Variants in SPRY3 observed in about 807,000 individuals in gnomAD.
SPRY3 encodes the protein protein sprouty homolog 3.
In SPRY3, 15 loss-of-function variants were observed where a neutral mutation model predicts 20.2. That is an observed-to-expected ratio of 0.74 (90% CI 0.50 to 1.14). SPRY3 has a LOEUF of 1.14. Ranked by LOEUF, SPRY3 falls within the 50% of genes most tolerant of loss-of-function variation. SPRY3 has a pLI of 0.00. For missense variants in SPRY3, 364 were observed against 363.9 expected, an observed-to-expected ratio of 1.00 and a Z score of 0.00; for synonymous variants, 143 against 136.5, an observed-to-expected ratio of 1.05 and a Z score of -0.33.
chrX:155,627,072 TATC>T (rs2067890420), intron 1 of SPRY3, among the ~76,000 whole-genome samples: 1 of 112,013 alleles, frequency 8.9e-6, no homozygotes, highest in African/African-American at 3.2e-5. Context: ...CACACATAGT[TATC>T]ATATTCGTAG....
intron 2 of SPRY3, among the ~76,000 whole-genome samples, chrX:155,726,138 T>A (rs1411447252): frequency 6.6e-6 from 1 of 152,176 alleles, no homozygotes; most frequent in Non-Finnish European, 1.5e-5. Flanking sequence ...TTTGAGTGAG[T>A]TTATTAATCC....
chrX:155,719,983 A>G (rs1171144665), intron 2 of SPRY3, among the ~76,000 whole-genome samples: 4 of 152,090 alleles, frequency 2.6e-5, no homozygotes, highest in African/African-American at 9.7e-5. Context: ...TGAAGCACCA[A>G]ATGGGCTCTT....
rs2091402227 is a variant in SPRY3 at position 155,773,986 on chromosome X, C to G, written c.115C>G (p.Leu39Val). 1.9e-6 allele frequency: 3 copies of G among 1,613,850 alleles called. No homozygotes were observed. In the South Asian group the frequency reaches 3.3e-5, roughly 18 times the overall value. Residue 39 changes from leucine (L) to valine (V), a missense_variant, in exon 4 of 4, where the codon CTC becomes GTC. Coordinates refer to ENST00000675360, the Ensembl canonical transcript of SPRY3. ...GCCTCCAGCCCCCTGTAAACAGGCC[C>G]TCTCCAGCCCTTCCCTTATTGTGCA...
chrX:155,672,728 G>T (rs1292493600), intron 2 of SPRY3, among the ~76,000 whole-genome samples: 1 of 106,080 alleles, frequency 9.4e-6, no homozygotes, highest in Non-Finnish European at 1.9e-5. Context: ...TATACCCAAA[G>T]GACTATAAAT....
At chrX:155,711,893 T>A (rs2090989672) in intron 2 of SPRY3, among the ~76,000 whole-genome samples, 1 of 151,630 alleles carries the variant, frequency 6.6e-6, no homozygotes, top group South Asian at 2.1e-4. Context: ...GGTTTTGGTA[T>A]GTTGTGTTTC....
chrX:155,627,832 C>T (rs1418686657), intron 1 of SPRY3, among the ~76,000 whole-genome samples: 3 of 107,658 alleles, frequency 2.8e-5, no homozygotes, highest in Non-Finnish European at 3.8e-5. Context: ...CCAACAGGCC[C>T]GTTATGTATT....
chrX:155,620,268 T>C (rs1169676809), intron 1 of SPRY3, among the ~76,000 whole-genome samples: 1 of 111,373 alleles, frequency 9.0e-6, no homozygotes, highest in Non-Finnish European at 1.9e-5. Flanking sequence ...TTTATAAGAT[T>C]CTTAGTTAAA....
chrX:155,666,179 G>A, intron 2 of SPRY3, among the ~76,000 whole-genome samples: 1 of 111,733 alleles, frequency 8.9e-6, no homozygotes, highest in Middle Eastern at 4.6e-3. Context: ...AATGTAACTG[G>A]AGGAGACTGA....
intron 2 of SPRY3, among the ~76,000 whole-genome samples, chrX:155,761,696 G>A (rs2091304689): frequency 6.7e-6 from 1 of 149,762 alleles, no homozygotes; most frequent in Non-Finnish European, 1.5e-5. Flanking sequence ...CCTTTTCTCT[G>A]CAGCCTTGCC....
chrX:155,614,376 A>C, intron 1 of SPRY3, among the ~76,000 whole-genome samples: 1 of 112,376 alleles, frequency 8.9e-6, no homozygotes. Flanking sequence ...AGCTAAGCTG[A>C]AATCAACACA....
At chrX:155,616,129 T>TCTCTC (rs1569562346) in intron 1 of SPRY3, among the ~76,000 whole-genome samples, 3 of 29,884 alleles carry the variant, frequency 1.0e-4, no homozygotes, top group Non-Finnish European at 1.9e-4. Flanking sequence ...TCTCTCTCTC[T>TCTCTC]CCTCTCTCTC....
intron 2 of SPRY3, among the ~76,000 whole-genome samples, chrX:155,716,030 G>A (rs1056198425): frequency 3.3e-5 from 5 of 152,108 alleles, no homozygotes; most frequent in Admixed American, 2.0e-4. Flanking sequence ...ACCAGGTACC[G>A]TGATTGCTCA....
At chrX:155,636,994 TGGACACA>T (rs2067925615) in intron 1 of SPRY3, among the ~76,000 whole-genome samples, 1 of 83,825 alleles carries the variant, frequency 1.2e-5, no homozygotes, top group Non-Finnish European at 2.2e-5. Context: ...TGAGAACACA[TGGACACA>T]GGAAGGGGAA....
At chrX:155,717,278 A>G (rs768122076) in intron 2 of SPRY3, among the ~76,000 whole-genome samples, 1 of 151,926 alleles carries the variant, frequency 6.6e-6, no homozygotes, top group South Asian at 2.1e-4. Flanking sequence ...TAGCCCGTCT[A>G]TAGCTCTCAC....
intron 2 of SPRY3, among the ~76,000 whole-genome samples, chrX:155,759,859 T>G (rs1009649432): frequency 9.2e-5 from 14 of 152,196 alleles, no homozygotes; most frequent in Non-Finnish European, 7.3e-5. Context: ...TTAAATATAG[T>G]GCAGTACATG....
chrX:155,763,039 G>C (rs1018674869), intron 2 of SPRY3, among the ~76,000 whole-genome samples: 1 of 151,998 alleles, frequency 6.6e-6, no homozygotes, highest in Non-Finnish European at 1.5e-5. Context: ...CCACAAAAAA[G>C]AACAAAATCA....
intron 2 of SPRY3, among the ~76,000 whole-genome samples, chrX:155,751,687 G>A (rs1363282635): frequency 1.4e-5 from 2 of 146,312 alleles, no homozygotes; most frequent in African/African-American, 5.2e-5. Context: ...TTACTATATA[G>A]ATTTTTAAAA....
chrX:155,676,953 A>C (rs915096858), intron 2 of SPRY3, among the ~76,000 whole-genome samples: 4 of 112,038 alleles, frequency 3.6e-5, no homozygotes, highest in African/African-American at 9.7e-5. Context: ...TTTTCCCTAC[A>C]GACATCTTGG....
chrX:155,719,287 G>A (rs1189726809), intron 2 of SPRY3, among the ~76,000 whole-genome samples: 4 of 152,108 alleles, frequency 2.6e-5, no homozygotes, highest in Non-Finnish European at 5.9e-5. Flanking sequence ...CTGGCCAGAG[G>A]GAAATCACCA....
Sources: gnomAD v4.1 joint callset for allele counts (sites outside exome capture counted in the v4.1 genomes callset) on GRCh38, gnomAD v4.1.1 for gene constraint, MANE v1.5 for transcripts, NCBI Gene and HGNC (gene_info 2026-07-23, HGNC 2026-07-21) for gene names.